Variants in C19orf44 observed in about 807,000 individuals in gnomAD.
The protein encoded by C19orf44 is uncharacterized protein C19orf44.
In C19orf44, 43 loss-of-function variants were observed where a neutral mutation model predicts 50.7. That is an observed-to-expected ratio of 0.85 (90% CI 0.66 to 1.09). The LOEUF is 1.09. C19orf44 is among the 50% of genes least tolerant of loss of function. The pLI is 0.00. For missense variants in C19orf44, 722 were observed against 836.2 expected (o/e 0.86, Z 1.68); for synonymous variants, 298 against 334.7 (o/e 0.89, Z 1.20).
At chr19:16,500,234 T>C (rs543214193) in intron 1 of C19orf44, among the ~76,000 whole-genome samples, 162 of 152,148 alleles carry the variant, frequency 1.1e-3, no homozygotes, top group African/African-American at 3.0e-3. Context: ...CAGCCATTGG[T>C]AATGGTTCTT....
At chr19:16,516,216 G>A (rs2093471264) in intron 7 of C19orf44, among the ~76,000 whole-genome samples, 1 of 152,066 alleles carries the variant, frequency 6.6e-6, no homozygotes, top group South Asian at 2.1e-4. Flanking sequence ...AGGGTGGGTC[G>A]CTTGAGCCCA....
rs972867393 is a variant in C19orf44 at position 16,517,169 on chromosome 19, CCTGT to C, written c.1903-58_1903-55del. The stretch of plus-strand genomic sequence containing the variant: ...CTGGCTCCACTCCCTCCTCCAGCAC[CCTGT>C]CTCAGAGTGTACTGAGGTGACGATG... On this transcript the variant is annotated intron_variant, in intron 7 of 8. Transcript: ENST00000221671. The C allele has an allele frequency of 1.2e-4, 184 of 1,496,064 alleles. No individual in the cohort carries two copies. The African/African-American group carries it at 2.0e-3, about 16-fold the overall frequency. The allele number at this position is 1,496,064 out of a possible 1,614,324, so 92.7% of individuals were successfully genotyped here.
rs370102260 is a variant in C19orf44, at chr19:16,517,337, A to G, written c.*36A>G. The G allele has an allele frequency of 1.3e-6, 2 of 1,592,510 alleles. No individual in the cohort carries two copies. The highest frequency in any genetic ancestry group is 1.3e-5 in the African/African-American group (1 of 74,452). ...GTGGAGCTTGACGTGACGTCTTAAC[A>G]AAAGGTATCCCGTCCTGTGTACTCA... On this transcript the variant is annotated 3_prime_UTR_variant, in exon 8 of 9. Transcript: ENST00000221671.
intron 3 of C19orf44, 81 bp downstream of exon 3, chr19:16,503,461 T>TG: frequency 7.2e-7 from 1 of 1,392,686 alleles, no homozygotes; most frequent in South Asian, 1.4e-5. Context: ...GCAGTGGTCA[T>TG]GGGGCATTGC....
At chr19:16,513,268 A>C (rs2093462944) in intron 6 of C19orf44, among the ~76,000 whole-genome samples, 159 bp downstream of exon 6, 1 of 152,106 alleles carries the variant, frequency 6.6e-6, no homozygotes, top group East Asian at 1.9e-4. Context: ...TGCCATGAGG[A>C]GAGAAAAGGT....
At chr19:16,496,850 G>A (rs1189348395) in intron 1 of C19orf44, among the ~76,000 whole-genome samples, 1 of 152,122 alleles carries the variant, frequency 6.6e-6, no homozygotes, top group East Asian at 1.9e-4. Flanking sequence ...GCGTCAGGCC[G>A]GGCGCGGTGA....
At position 16,519,745 on chromosome 19, in the gene C19orf44, G is replaced by C; in HGVS notation, c.*41-349G>C. The C allele has an allele frequency of 8.4e-6, 13 of 1,554,594 alleles. No homozygotes were observed. Among genetic ancestry groups the C allele is most frequent in the Non-Finnish European group, 1.2e-5 (13 of 1,126,100 alleles). ...AATCGAGACAGGTTATTCTTTTTAA[G>C]AAGTAACTGAGACATTTATTGGAAT... is the stretch of plus-strand genomic sequence containing the variant. On this transcript the variant is annotated intron_variant, in intron 8 of 8. Transcript: ENST00000221671. This position sits in a 1 kb window ranked among gnomAD's most constrained non-coding sequence, Gnocchi z 6.0.
In C19orf44 at chr19:16,506,715, A is replaced by G; in HGVS notation, c.1090A>G (p.Ile364Val). 1 of 1,601,310 alleles carries G rather than the reference A, an allele frequency of 6.2e-7. No homozygotes were observed. Residue 364 changes from isoleucine to valine, a missense_variant, in exon 4 of 9, where the codon ATT becomes GTT. Transcript: ENST00000221671. The stretch of plus-strand genomic sequence containing the variant: ...TTTAATTACAGAGTTTAGAATAAAT[A>G]TTTTATCGCTTGACGGTCTGGCTCC... ...DDSLDEFRIN[I>V]LSLDGLAPAV... is the part of the protein sequence containing the mutation.
At chr19:16,510,727 C>T (rs1025914751) in intron 5 of C19orf44, among the ~76,000 whole-genome samples, 3 of 151,452 alleles carry the variant, frequency 2.0e-5, no homozygotes, top group East Asian at 1.9e-4. Flanking sequence ...CCAGATATTT[C>T]TCTCTCTCTC....
Position 16,520,612 on chromosome 19 carries a change from G to T in C19orf44, c.*559G>T. 7.4e-7 allele frequency: 1 copy of T among 1,357,132 alleles called. No individual in the cohort carries two copies. The highest frequency in any genetic ancestry group is 1.0e-6 in the Non-Finnish European group (1 of 978,414). The allele number at this position is 1,357,132 out of a possible 1,614,324, so 84.1% of individuals were successfully genotyped here. ...CACCCCAGATGCAGGGGCTCTGGCT[G>T]TGGATGTGGCGCCATAGCCACAGCA... On this transcript the variant is annotated 3_prime_UTR_variant, in exon 9 of 9. Coordinates refer to ENST00000221671, the MANE Select transcript of C19orf44 (RefSeq NM_032207.4). This position sits in a 1 kb window ranked among gnomAD's most constrained non-coding sequence, Gnocchi z 4.0.
At chr19:16,517,366 C>A in intron 8 of C19orf44, 25 bp downstream of exon 8, 1 of 1,450,150 alleles carries the variant, frequency 6.9e-7, no homozygotes. Flanking sequence ...GTACTCAGTG[C>A]ACACACACGC....
Position 16,519,947 on chromosome 19 carries a change from T to C in C19orf44, c.*41-147T>C, listed in dbSNP as rs768938272. On this transcript the variant is annotated intron_variant, in intron 8 of 8. Coordinates refer to ENST00000221671, the MANE Select transcript of C19orf44 (RefSeq NM_032207.4). This position sits in a 1 kb window ranked among gnomAD's most constrained non-coding sequence, Gnocchi z 6.0. ...GAGAGCAGGACACCTCCAACCCAGA[T>C]GGTGGTTAGAAAGCAGACCCCAGTT... The C allele has an allele frequency of 7.9e-5, 53 of 669,092 alleles. No individual in the cohort carries two copies. The Middle Eastern group carries it at 2.0e-3, about 26-fold the overall frequency. The allele number at this position is 669,092 out of a possible 1,614,324, so 41.4% of individuals were successfully genotyped here.
At chr19:16,498,684 TTTTTGAGACGGAGTCTCTCTC>T (rs1341345422) in intron 1 of C19orf44, among the ~76,000 whole-genome samples, 3 of 152,074 alleles carry the variant, frequency 2.0e-5, no homozygotes, top group African/African-American at 7.2e-5. Context: ...TTCTTTTTTT[TTTTTGAGACGGAGTCTCTCTC>T]TTTTGCCCAG....
chr19:16,517,295 G>A lies in C19orf44; in HGVS notation c.1968G>A (p.Glu656=). 6.2e-7 allele frequency: 1 copy of A among 1,614,096 alleles called. No homozygotes were observed. Among genetic ancestry groups the A allele is most frequent in the African/African-American group, 1.3e-5 (1 of 75,072 alleles). Reference sequence around the variant, plus strand: ...ATGCCCTGGAGGAGGTGAACAAGGAGCTGTGAGCGCCAGCAGGTGGAGCTT... The same window carrying A: ...ATGCCCTGGAGGAGGTGAACAAGGAACTGTGAGCGCCAGCAGGTGGAGCTT... ...MEDALEEVNK[E]L is the part of the protein sequence containing the mutation. The change falls in exon 8 of 9, where the codon GAG becomes GAA. Residue 656 remains glutamate (E), a synonymous_variant. Transcript: ENST00000221671.
intron 3 of C19orf44, among the ~76,000 whole-genome samples, chr19:16,506,081 T>G (rs534589159): frequency 1.2e-3 from 187 of 152,062 alleles, no homozygotes; most frequent in African/African-American, 4.5e-3. Context: ...TCTCAAGAGA[T>G]TCTCCGGCCT....
chr19:16,502,699 T>C (rs1455916240), intron 2 of C19orf44, among the ~76,000 whole-genome samples: 3 of 152,018 alleles, frequency 2.0e-5, no homozygotes, highest in Non-Finnish European at 4.4e-5. Flanking sequence ...CCATAAGAAC[T>C]TTTAGGTATC....
At chr19:16,516,765 G>A (rs1478091207) in intron 7 of C19orf44, among the ~76,000 whole-genome samples, 2 of 152,180 alleles carry the variant, frequency 1.3e-5, no homozygotes, top group African/African-American at 4.8e-5. Context: ...GTTTCCTTGT[G>A]GTTTATCTGC....
intron 7 of C19orf44, 121 bp downstream of exon 7, chr19:16,514,784 T>G (rs2093467333): frequency 7.6e-6 from 9 of 1,178,806 alleles, no homozygotes; most frequent in Non-Finnish European, 6.7e-6. Flanking sequence ...GCTGCAGGGA[T>G]GCAGTGGGGC....
At chr19:16,515,815 AG>A (rs2093469916) in intron 7 of C19orf44, among the ~76,000 whole-genome samples, 1 of 128,992 alleles carries the variant, frequency 7.8e-6, no homozygotes, top group Non-Finnish European at 1.7e-5. Flanking sequence ...TTTTCTTTTG[AG>A]ACTGAGTTTC....
Sources: allele counts gnomAD v4.1 joint callset (sites outside exome capture counted in the v4.1 genomes callset), GRCh38; gene constraint gnomAD v4.1.1; non-coding constraint Gnocchi (gnomAD v3.1); transcripts MANE v1.5; gene names NCBI Gene and HGNC (gene_info 2026-07-23, HGNC 2026-07-21).